The following RTN4 variants were observed in gnomAD, a reference collection of about 807,000 sequenced individuals.
RTN4 encodes the protein reticulon-4.
RTN4 carries 32 observed loss-of-function variants against 90.4 expected under a neutral mutation model. The ratio of observed to expected loss-of-function variants is 0.35; its 90% CI spans 0.27 to 0.48. The LOEUF (loss-of-function observed/expected upper bound fraction) is 0.48, where lower values mean the gene tolerates loss of function less well. RTN4 is among the 20% of genes least tolerant of loss of function. The probability of loss-of-function intolerance (pLI) is 0.99; values close to 1 mark genes in which losing one functional copy is unlikely to be tolerated. For synonymous variants in RTN4, 629 were observed against 552.5 expected (o/e 1.14, Z -1.94); for missense variants, 1,706 against 1,430.2 (o/e 1.19, Z -3.11).
chr2:55,055,983 TG>T (rs1212932675), intron 2 of RTN4, among the ~76,000 whole-genome samples: 1 of 53,800 alleles, frequency 1.9e-5, no homozygotes, highest in East Asian at 4.4e-4. Flanking sequence ...TACATATATG[TG>T]TTTGTGTGTG....
rs143348990 is a variant in RTN4, at chr2:55,086,751, A to T, written c.-213-6112T>A. On this transcript the variant is annotated intron_variant, in intron 1 of 3. Coordinates refer to the RTN4 transcript ENST00000427710. ...CTTTTGGGGCCCCCTTTCAGCCATCATCTTTCCCGCAAAGGTAACCACCAT... is the reference window on the plus strand; with the variant it reads ...CTTTTGGGGCCCCCTTTCAGCCATCTTCTTTCCCGCAAAGGTAACCACCAT... Among the ~76,000 whole-genome samples, 1,225 of 151,986 alleles carry T rather than the reference A, an allele frequency of 8.1e-3. 13 individuals carry two copies. The highest frequency in any genetic ancestry group is 0.028 in the African/African-American group (1,171 of 41,426).
chr2:55,102,608 T>A lies in RTN4; in HGVS notation c.-214+9912A>T, dbSNP rs568359027. 8.5e-5 allele frequency among the ~76,000 whole-genome samples: 13 copies of A among 152,260 alleles called. No individual in the cohort carries two copies. In the South Asian group the frequency reaches 2.7e-3, roughly 32 times the overall value. Reference sequence around the variant, plus strand: ...CAAGAATCTGGTGGCTGATTGGACTTGACACATGGCCAACTGCCAGTCCCT... The same window carrying A: ...CAAGAATCTGGTGGCTGATTGGACTAGACACATGGCCAACTGCCAGTCCCT... On this transcript the variant is annotated intron_variant, in intron 1 of 3. Coordinates refer to the RTN4 transcript ENST00000427710.
chr2:55,136,344 A>G, the RTN4 span, among the ~76,000 whole-genome samples: 1 of 152,234 alleles, frequency 6.6e-6, no homozygotes, highest in African/African-American at 2.4e-5. Flanking sequence ...GTGCATACAG[A>G]CAGCCCACCC....
chr2:54,973,017 A>G lies in RTN4; in HGVS notation c.*139T>C. The G allele has an allele frequency of 1.5e-6, 1 of 648,818 alleles. No individual in the cohort carries two copies. Among genetic ancestry groups the G allele is most frequent in the Non-Finnish European group, 2.7e-6 (1 of 372,260 alleles). The allele number at this position is 648,818 out of a possible 1,614,324, so 40.2% of individuals were successfully genotyped here. ...AGGTAATTTTTCCTCACAACAGTGCATGGCTAAAAATAAAGATCTAACAAC... is the reference window on the plus strand; with the variant it reads ...AGGTAATTTTTCCTCACAACAGTGCGTGGCTAAAAATAAAGATCTAACAAC... On this transcript the variant is annotated 3_prime_UTR_variant, in exon 9 of 9. Coordinates refer to ENST00000337526, the MANE Select transcript of RTN4 (RefSeq NM_020532.5).
At chr2:55,112,547 C>T (rs1260471594) in exon 1 of RTN4, 1 of 152,314 alleles carries the variant, frequency 6.6e-6, no homozygotes. Flanking sequence ...AGAAGCATCT[C>T]CCCAGACACA....
Position 55,016,171 on chromosome 2 carries a change from A to C in RTN4, c.3013+8915T>G, listed in dbSNP as rs62134849. On this transcript the variant is annotated intron_variant, in intron 3 of 8. Coordinates refer to ENST00000337526, the MANE Select transcript of RTN4 (RefSeq NM_020532.5). ...CTAAGTACAAAAAATCAGCAGCAAA[A>C]TATTTAAAGACATGGAAATGTTTGC... Among the ~76,000 whole-genome samples the C allele has an allele frequency of 2.7e-3, 407 of 152,344 alleles. 2 individuals are homozygous for C. Among genetic ancestry groups the C allele is most frequent in the Non-Finnish European group, 4.3e-3 (294 of 68,028 alleles).
intron 1 of RTN4, chr2:55,049,259 G>A (rs910002577): frequency 5.3e-6 from 4 of 753,048 alleles, no homozygotes; most frequent in African/African-American, 3.8e-5. Flanking sequence ...GGAGCCCGGG[G>A]CAGAATGCAG....
intron 5 of RTN4, among the ~76,000 whole-genome samples, chr2:54,975,301 A>T (rs1002088842): frequency 3.9e-5 from 6 of 152,258 alleles, no homozygotes; most frequent in African/African-American, 1.4e-4. Flanking sequence ...GAATTTTGTT[A>T]AACATTGGTC....
chr2:55,036,059 T>C (rs1212198825), intron 1 of RTN4, among the ~76,000 whole-genome samples: 2 of 152,068 alleles, frequency 1.3e-5, no homozygotes, highest in Non-Finnish European at 2.9e-5. Context: ...TTACACAAAC[T>C]CTTTGAGCAT....
chr2:55,104,044 T>A (rs1667900102), intron 1 of RTN4, among the ~76,000 whole-genome samples: 1 of 151,702 alleles, frequency 6.6e-6, no homozygotes, highest in Admixed American at 6.6e-5. Context: ...GTGTTTTTTG[T>A]TCTTTTTATT....
intron 3 of RTN4, among the ~76,000 whole-genome samples, chr2:54,988,146 G>A (rs955366248): frequency 9.8e-5 from 15 of 152,292 alleles, no homozygotes; most frequent in African/African-American, 3.1e-4. Context: ...GCAAAACTCC[G>A]TCTCTACTGA....
intron 1 of RTN4, among the ~76,000 whole-genome samples, chr2:55,091,026 C>G (rs1317751597): frequency 6.6e-6 from 1 of 152,206 alleles, no homozygotes; most frequent in Non-Finnish European, 1.5e-5. Context: ...GTCTCAGCCA[C>G]CAGTCCTCAA....
At chr2:55,072,683 T>C (rs542385910) in intron 2 of RTN4, among the ~76,000 whole-genome samples, 50 of 152,364 alleles carry the variant, frequency 3.3e-4, no homozygotes, top group African/African-American at 1.2e-3. Flanking sequence ...TAGATATAAC[T>C]GTACCACTTA....
chr2:55,022,460 C>A (rs1406005807), intron 3 of RTN4, among the ~76,000 whole-genome samples: 1 of 152,134 alleles, frequency 6.6e-6, no homozygotes, highest in Non-Finnish European at 1.5e-5. Context: ...CCCTGTGGAA[C>A]TTGCTAAATG....
At chr2:55,061,273 A>G (rs571257413) in intron 2 of RTN4, among the ~76,000 whole-genome samples, 157 of 152,252 alleles carry the variant, frequency 1.0e-3, no homozygotes, top group African/African-American at 3.6e-3. Context: ...CATGTTGGCC[A>G]GGCTGGTCTC....
intron 2 of RTN4, among the ~76,000 whole-genome samples, chr2:55,066,693 AAAATAAAT>A (rs201230678): frequency 1.1e-3 from 162 of 145,512 alleles, no homozygotes; most frequent in African/African-American, 3.1e-3. Context: ...CTCCATCTCA[AAAATAAAT>A]AAATAAATAA....
chr2:55,003,794 A>G (rs895306515), intron 3 of RTN4, among the ~76,000 whole-genome samples: 1 of 152,172 alleles, frequency 6.6e-6, no homozygotes, highest in Non-Finnish European at 1.5e-5. Context: ...AACTACCTAC[A>G]TTGTAAAAAG....
chr2:55,038,367 C>T (rs1682830392), intron 1 of RTN4, among the ~76,000 whole-genome samples: 1 of 151,874 alleles, frequency 6.6e-6, no homozygotes, highest in African/African-American at 2.4e-5. Flanking sequence ...ATTCACAACA[C>T]ATGTATCAGA....
chr2:55,117,174 A>G (rs761859793), upstream of RTN4, among the ~76,000 whole-genome samples: 13 of 152,102 alleles, frequency 8.5e-5, no homozygotes, highest in Non-Finnish European at 1.8e-4. Flanking sequence ...GCACCCGGCC[A>G]GATAGCTGTT....
Sources: allele counts gnomAD v4.1 joint callset (sites outside exome capture counted in the v4.1 genomes callset), GRCh38; gene constraint gnomAD v4.1.1; transcripts MANE v1.5; gene names NCBI Gene and HGNC (gene_info 2026-07-23, HGNC 2026-07-21).